Variants in CSMD3 observed in about 807,000 individuals in gnomAD.
CSMD3 encodes CUB and Sushi multiple domains 3, also known as CUB and sushi domain-containing protein 3.
Under a neutral mutation model 435.2 loss-of-function variants are expected in CSMD3, and 177 were observed. The ratio of observed to expected loss-of-function variants is 0.41; its 90% CI spans 0.36 to 0.46. The LOEUF (loss-of-function observed/expected upper bound fraction) is 0.46. CSMD3 is among the 20% of genes least tolerant of loss of function. CSMD3 has a pLI of 0.34. For synonymous variants in CSMD3, 1,656 were observed against 1,520.5 expected (o/e 1.09, Z -2.07); for missense variants, 4,265 against 4,504.6 (o/e 0.95, Z 1.52).
At chr8:112,651,040 C>A (rs944837707) in intron 18 of CSMD3, among the ~76,000 whole-genome samples, 3 of 152,162 alleles carry the variant, frequency 2.0e-5, no homozygotes, top group Non-Finnish European at 2.9e-5. Context: ...TCCTGGCCCC[C>A]ACCTGTTCGA....
rs963584610 is a variant in CSMD3, at chr8:112,678,624, A to G, written c.2677+3818T>C. Among the ~76,000 whole-genome samples the G allele has an allele frequency of 1.6e-4, 25 of 152,276 alleles. 1 individual carries two copies. Among genetic ancestry groups the G allele is most frequent in the Admixed American group, 1.4e-3 (21 of 15,286 alleles). On this transcript the variant is annotated intron_variant, in intron 16 of 70. Transcript: ENST00000297405. ...TTGAGGTTCTGAGTTTTCAAACAAA[A>G]ACATTTTATACTGATTTCCATTGTT... is the stretch of plus-strand genomic sequence containing the variant.
chr8:112,289,232 C>T (rs1819523838), intron 57 of CSMD3, 133 bp downstream of exon 57: 1 of 800,744 alleles, frequency 1.2e-6, no homozygotes, highest in Non-Finnish European at 2.2e-6. Flanking sequence ...AGCAGTGTTT[C>T]AGCTTTTCTT....
intron 5 of CSMD3, among the ~76,000 whole-genome samples, chr8:113,063,186 G>A (rs570607582): frequency 6.7e-6 from 1 of 149,902 alleles, no homozygotes; most frequent in Non-Finnish European, 1.5e-5. Context: ...AAAAAAAAAA[G>A]CAAAACAAAA....
intron 38 of CSMD3, among the ~76,000 whole-genome samples, chr8:112,371,295 C>A (rs184889684): frequency 6.6e-6 from 1 of 152,286 alleles, no homozygotes; most frequent in Admixed American, 6.5e-5. Flanking sequence ...TCATTGATTT[C>A]CTTTGAAACA....
rs1827794895 is a variant in CSMD3, at chr8:112,552,726, A to G, written c.4235-6T>C. The G allele has an allele frequency of 1.2e-6, 2 of 1,609,888 alleles. No individual in the cohort carries two copies. Among genetic ancestry groups the G allele is most frequent in the Non-Finnish European group, 1.7e-6 (2 of 1,177,724 alleles). On this transcript the variant is annotated splice_region_variant and splice_polypyrimidine_tract_variant and intron_variant, in intron 25 of 70. Coordinates refer to ENST00000297405, the MANE Select transcript of CSMD3 (RefSeq NM_198123.2). Reference sequence around the variant, plus strand: ...AAAACGACCTCCACATTCAGCTGATAAAAAATAATAGAAATTTAAGCCACA... The same window carrying G: ...AAAACGACCTCCACATTCAGCTGATGAAAAATAATAGAAATTTAAGCCACA...
chr8:112,930,877 C>T (rs1332761157), intron 9 of CSMD3, among the ~76,000 whole-genome samples: 2 of 152,000 alleles, frequency 1.3e-5, no homozygotes, highest in African/African-American at 4.8e-5. Context: ...ATATTTACCC[C>T]TTGAATCCTA....
intron 4 of CSMD3, among the ~76,000 whole-genome samples, chr8:113,105,279 GC>G (rs1376335199): frequency 6.6e-6 from 1 of 151,468 alleles, no homozygotes; most frequent in Admixed American, 6.6e-5. Flanking sequence ...AAGAAGGAGA[GC>G]CCTATTATCA....
intron 3 of CSMD3, among the ~76,000 whole-genome samples, chr8:113,240,127 A>C (rs773054746): frequency 6.6e-6 from 1 of 151,944 alleles, no homozygotes; most frequent in Non-Finnish European, 1.5e-5. Flanking sequence ...TTCCTGTGTT[A>C]GTTTGCTAAA....
intron 7 of CSMD3, among the ~76,000 whole-genome samples, chr8:112,967,540 G>A: frequency 6.6e-6 from 1 of 151,682 alleles, no homozygotes; most frequent in East Asian, 1.9e-4. Context: ...TCAAGGCATA[G>A]CTCCAAGAGC....
At chr8:112,821,849 G>T (rs1313002530) in intron 12 of CSMD3, among the ~76,000 whole-genome samples, 2 of 152,168 alleles carry the variant, frequency 1.3e-5, no homozygotes, top group Admixed American at 1.3e-4. Context: ...AAAGGGTCCA[G>T]TTTCAGTTTT....
intron 22 of CSMD3, among the ~76,000 whole-genome samples, chr8:112,636,027 C>A (rs2074646908): frequency 1.3e-5 from 2 of 152,080 alleles, no homozygotes; most frequent in Non-Finnish European, 2.9e-5. Flanking sequence ...CCATTTGAAT[C>A]TTATTCTATC....
chr8:112,564,091 A>G lies in CSMD3; in HGVS notation c.4043-7137T>C, dbSNP rs182844519. 3.0e-3 allele frequency among the ~76,000 whole-genome samples: 458 copies of G among 151,496 alleles called. 1 individual carries two copies. Among genetic ancestry groups the G allele is most frequent in the African/African-American group, 0.011 (436 of 41,336 alleles). ...GTTAAGCATTTTTTTATTCTGCTGA[A>G]CTTCCCTCTACTGTGAAATTGGTTT... On this transcript the variant is annotated intron_variant, in intron 24 of 70. Transcript: ENST00000297405.
intron 27 of CSMD3, among the ~76,000 whole-genome samples, chr8:112,522,098 G>A (rs1824349976): frequency 6.6e-6 from 1 of 151,684 alleles, no homozygotes; most frequent in Admixed American, 6.6e-5. Flanking sequence ...CTATCTGGTT[G>A]TTATAATAAA....
At chr8:112,581,528 A>G (rs1200132364) in intron 23 of CSMD3, among the ~76,000 whole-genome samples, 1 of 152,102 alleles carries the variant, frequency 6.6e-6, no homozygotes, top group Non-Finnish European at 1.5e-5. Flanking sequence ...TTAGATTAGA[A>G]ACAATAACAA....
intron 22 of CSMD3, among the ~76,000 whole-genome samples, chr8:112,617,388 T>C (rs1307716106): frequency 6.6e-6 from 1 of 152,180 alleles, no homozygotes; most frequent in Non-Finnish European, 1.5e-5. Flanking sequence ...GATAAGTGCA[T>C]GAATTAATGT....
intron 32 of CSMD3, among the ~76,000 whole-genome samples, chr8:112,450,622 G>A (rs1202121059): frequency 6.6e-6 from 1 of 152,160 alleles, no homozygotes; most frequent in Non-Finnish European, 1.5e-5. Context: ...ACCTTGGTGA[G>A]TTTATCCAGG....
At chr8:112,429,965 G>C (rs925032986) in intron 32 of CSMD3, among the ~76,000 whole-genome samples, 32 of 152,034 alleles carry the variant, frequency 2.1e-4, no homozygotes, top group Admixed American at 1.6e-3. Context: ...CAAAGTTTCT[G>C]TATTTTAGCA....
At chr8:112,249,508 A>G (rs952385958) in intron 63 of CSMD3, among the ~76,000 whole-genome samples, 10 of 152,086 alleles carry the variant, frequency 6.6e-5, no homozygotes, top group Non-Finnish European at 1.5e-4. Flanking sequence ...GACAATTATA[A>G]TAATCTTCTA....
intron 32 of CSMD3, among the ~76,000 whole-genome samples, chr8:112,409,844 GT>G (rs907418488): frequency 4.7e-5 from 7 of 149,666 alleles, no homozygotes; most frequent in East Asian, 2.0e-4. Context: ...TTTGCTTTGT[GT>G]TTTTTTTTCT....
Sources: gnomAD v4.1 joint callset for allele counts (sites outside exome capture counted in the v4.1 genomes callset) on GRCh38, gnomAD v4.1.1 for gene constraint, MANE v1.5 for transcripts, NCBI Gene and HGNC (gene_info 2026-07-23, HGNC 2026-07-21) for gene names.